FER1L6: variants seen among roughly 807,000 people sequenced by gnomAD.
FER1L6 encodes the protein fer-1-like protein 6.
FER1L6 carries 177 observed loss-of-function variants against 219.2 expected under a neutral mutation model. The ratio of observed to expected loss-of-function variants is 0.81; its 90% CI spans 0.71 to 0.91. The LOEUF is 0.91. Ranked by LOEUF, FER1L6 falls within the 40% of genes least tolerant of loss-of-function variation. FER1L6 has a pLI of 0.00. For missense variants in FER1L6, 2,153 were observed against 2,259.9 expected, an observed-to-expected ratio of 0.95 and a Z score of 0.96; for synonymous variants, 768 against 824.3, an observed-to-expected ratio of 0.93 and a Z score of 1.17.
intron 38 of FER1L6, 125 bp downstream of exon 38, chr8:124,101,463 GA>G: frequency 2.4e-6 from 2 of 833,700 alleles, no homozygotes; most frequent in East Asian, 5.3e-5. Context: ...CAAAAACCTG[GA>G]AACATCCCAA....
chr8:124,083,757 T>G (rs1458364982), intron 33 of FER1L6, among the ~76,000 whole-genome samples: 1 of 152,192 alleles, frequency 6.6e-6, no homozygotes, highest in Non-Finnish European at 1.5e-5. Context: ...CTATTCTGTG[T>G]CTTTTGTGGT....
At chr8:123,909,021 A>T (rs1301753409) in intron 1 of FER1L6, among the ~76,000 whole-genome samples, 2 of 152,226 alleles carry the variant, frequency 1.3e-5, no homozygotes, top group African/African-American at 4.8e-5. Flanking sequence ...GCCCATGTAA[A>T]GGGATTAACC....
In FER1L6 at chr8:123,976,063, G is replaced by A. The variant is rs750442262; in HGVS notation, c.849G>A (p.Glu283=). The A allele has an allele frequency of 6.2e-7, 1 of 1,612,962 alleles. No individual in the cohort carries two copies. Among genetic ancestry groups the A allele is most frequent in the Non-Finnish European group, 8.5e-7 (1 of 1,179,586 alleles). The stretch of plus-strand genomic sequence containing the variant: ...AGGACCTGGTGGATCCCTTTGTGGA[G>A]GTCTCCTTTGCTGGGCAGATGGTGA... The part of the protein sequence containing the change: ...DSKDLVDPFV[E]VSFAGQMGRT... Residue 283 remains glutamate, a synonymous_variant, in exon 9 of 41, where the codon GAG becomes GAA. Transcript: ENST00000522917.
At chr8:124,010,026 T>C (rs946027908) in intron 13 of FER1L6, among the ~76,000 whole-genome samples, 5 of 151,850 alleles carry the variant, frequency 3.3e-5, no homozygotes, top group African/African-American at 1.2e-4. Flanking sequence ...CTTGTTCTAG[T>C]TTGAGGGTCG....
chr8:123,961,825 A>G (rs1377561618), intron 2 of FER1L6, among the ~76,000 whole-genome samples: 1 of 150,114 alleles, frequency 6.7e-6, no homozygotes, highest in African/African-American at 2.5e-5. Flanking sequence ...AAGTGTGCAG[A>G]CTCTTTAAAC....
At chr8:124,083,605 A>G (rs2130918700) in intron 33 of FER1L6, among the ~76,000 whole-genome samples, 1 of 149,350 alleles carries the variant, frequency 6.7e-6, no homozygotes, top group Non-Finnish European at 1.5e-5. Context: ...AACTATAAAA[A>G]GACAAGAAAA....
At chr8:123,975,863 G>C in intron 8 of FER1L6, 35 bp from the exon 9 acceptor site, 1 of 1,496,654 alleles carries the variant, frequency 6.7e-7, no homozygotes, top group Non-Finnish European at 9.0e-7. Flanking sequence ...CTTCAATTGA[G>C]AGAGCTTTTT....
intron 1 of FER1L6, among the ~76,000 whole-genome samples, chr8:123,913,320 T>A (rs375356844): frequency 1.4e-5 from 2 of 145,868 alleles, no homozygotes; most frequent in African/African-American, 4.9e-5. Flanking sequence ...GTTCATATGT[T>A]AAATAATTTA....
chr8:123,905,267 C>T (rs1376348973), intron 1 of FER1L6, among the ~76,000 whole-genome samples: 9 of 152,076 alleles, frequency 5.9e-5, no homozygotes, highest in African/African-American at 9.7e-5. Context: ...CCACAGTGTG[C>T]GTTGTTCTCT....
At chr8:123,950,566 G>A (rs1386362740) in intron 1 of FER1L6, among the ~76,000 whole-genome samples, 3 of 152,168 alleles carry the variant, frequency 2.0e-5, no homozygotes, top group African/African-American at 4.8e-5. Context: ...GAAGCCAAAG[G>A]AAGAGGAATT....
chr8:124,094,988 C>T lies in FER1L6; in HGVS notation c.4645C>T (p.His1549Tyr). The change falls in exon 35 of 41, where the codon CAC (histidine) becomes TAC (tyrosine). Residue 1549 changes from histidine to tyrosine, a missense_variant. Physicochemically the swap from His to Tyr is moderately conservative, Grantham distance 83. Transcript: ENST00000522917. ...PEVGCRLVPE[H>Y]IETRPLYHKD... Reference sequence around the variant, plus strand: ...AGTCGGGTGTAGGCTGGTTCCTGAACACATAGAAACTCGGCCACTGTACCA... The same window carrying T: ...AGTCGGGTGTAGGCTGGTTCCTGAATACATAGAAACTCGGCCACTGTACCA... 2 of 1,614,094 alleles carry T rather than the reference C, an allele frequency of 1.2e-6. No individual in the cohort carries two copies. The highest frequency in any genetic ancestry group is 1.7e-6 in the Non-Finnish European group (2 of 1,179,990).
At chr8:124,043,371 T>A (rs1819589297) in intron 20 of FER1L6, among the ~76,000 whole-genome samples, 1 of 152,198 alleles carries the variant, frequency 6.6e-6, no homozygotes, top group East Asian at 1.9e-4. Context: ...GTTATTTGAT[T>A]CTAAAGCTAT....
At chr8:123,859,672 G>C (rs1210937581) in intron 1 of FER1L6, among the ~76,000 whole-genome samples, 4 of 120,768 alleles carry the variant, frequency 3.3e-5, no homozygotes, top group African/African-American at 1.0e-4. Flanking sequence ...TCTAGCATTA[G>C]GTATATCTCC....
At position 124,023,546 on chromosome 8, in the gene FER1L6, G is replaced by A. The variant is rs762990859; in HGVS notation, c.2236G>A (p.Ala746Thr). 2.2e-5 allele frequency: 35 copies of A among 1,614,010 alleles called. No homozygotes were observed. Among genetic ancestry groups the A allele is most frequent in the Admixed American group, 1.5e-4 (9 of 60,004 alleles). Residue 746 changes from alanine to threonine, a missense_variant, in exon 18 of 41, where the codon GCG becomes ACG. Transcript: ENST00000522917. The part of the protein sequence containing the change: ...ASKDLLYSPV[A>T]GQMGKHCGKI... The stretch of plus-strand genomic sequence containing the variant: ...CAAAGACCTCCTCTATTCCCCTGTC[G>A]CGGGGCAGATGGGCAAACACTGCGG...
At chr8:123,922,663 G>T (rs1421281448) in intron 1 of FER1L6, among the ~76,000 whole-genome samples, 2 of 152,272 alleles carry the variant, frequency 1.3e-5, no homozygotes, top group South Asian at 2.1e-4. Flanking sequence ...AATCCTCCAC[G>T]TCCCTTTGCC....
chr8:124,040,291 C>G (rs1032161051), intron 20 of FER1L6: 1 of 407,266 alleles, frequency 2.5e-6, no homozygotes, highest in East Asian at 5.4e-5. Flanking sequence ...GTGCCAGGCA[C>G]GAGGCCAAGT....
chr8:123,902,273 T>A (rs905350754), intron 1 of FER1L6, among the ~76,000 whole-genome samples: 11 of 152,182 alleles, frequency 7.2e-5, no homozygotes, highest in Non-Finnish European at 1.2e-4. Context: ...GAATAGAATG[T>A]GTATTCTGGG....
chr8:124,051,465 G>A (rs1461488242), intron 22 of FER1L6, among the ~76,000 whole-genome samples: 1 of 152,150 alleles, frequency 6.6e-6, no homozygotes, highest in African/African-American at 2.4e-5. Flanking sequence ...CCCTGTGTAA[G>A]CTACTTAATC....
In FER1L6 at chr8:124,101,097, G is replaced by A. The variant is rs1311647231; in HGVS notation, c.4884G>A (p.Gly1628=). ...GQKSSDIYVK[G]WLKGLEDDKQ... ...TAAATTATTTTGAATCTATTTTTAG[G>A]TGGTTAAAGGGCTTGGAGGATGACA... The change falls in exon 38 of 41, where the codon GGG becomes GGA. Residue 1628 remains glycine, a splice_region_variant and synonymous_variant. Coordinates refer to ENST00000522917, the MANE Select transcript of FER1L6 (RefSeq NM_001039112.2). 2 of 1,613,274 alleles carry A rather than the reference G, an allele frequency of 1.2e-6. No homozygotes were observed. The highest frequency in any genetic ancestry group is 3.3e-5 in the Admixed American group (2 of 59,972).
Sources: allele counts gnomAD v4.1 joint callset (sites outside exome capture counted in the v4.1 genomes callset), GRCh38; gene constraint gnomAD v4.1.1; transcripts MANE v1.5; gene names NCBI Gene and HGNC (gene_info 2026-07-23, HGNC 2026-07-21).